The following PCDHA4 variants were observed in gnomAD, a reference collection of about 807,000 sequenced individuals.
The protein encoded by PCDHA4 is protocadherin alpha 4, also known as protocadherin alpha-4.
A neutral mutation model predicts 61.4 loss-of-function variants in PCDHA4; 49 were observed. The observed-to-expected ratio is 0.80, with a 90% CI of 0.63 to 1.01. PCDHA4 has a LOEUF of 1.01. Among genes scored for constraint, PCDHA4 ranks in the 50% least tolerant of loss-of-function variants. PCDHA4 has a pLI of 0.00. For synonymous variants in PCDHA4, 590 were observed against 550.3 expected (o/e 1.07, Z -1.01); for missense variants, 1,254 against 1,235.8 (o/e 1.01, Z -0.22).
chr5:140,829,393 G>T (rs2150166989), intron 1 of PCDHA4: 5 of 1,614,050 alleles, frequency 3.1e-6, no homozygotes, highest in Admixed American at 3.3e-5. Context: ...GCTCGCCTTC[G>T]CTGTGGGCCA....
intron 1 of PCDHA4, among the ~76,000 whole-genome samples, chr5:140,897,060 A>G (rs2153455161): frequency 6.6e-6 from 1 of 152,068 alleles, no homozygotes; most frequent in East Asian, 1.9e-4. Flanking sequence ...GTCAAATACT[A>G]TGTCTTATTC....
chr5:140,915,850 C>A (rs2077335554), intron 1 of PCDHA4, among the ~76,000 whole-genome samples: 1 of 152,140 alleles, frequency 6.6e-6, no homozygotes, highest in South Asian at 2.1e-4. Context: ...GGGGTGACAC[C>A]AGCCAAGTTT....
At chr5:140,927,064 C>T (rs1409465902) in intron 1 of PCDHA4, 2 of 1,611,234 alleles carry the variant, frequency 1.2e-6, no homozygotes, top group Admixed American at 1.7e-5. Flanking sequence ...CTTTCGCTTC[C>T]TTTCCAGCCA....
In PCDHA4 at chr5:140,850,228, G is replaced by A. The variant is rs199589192; in HGVS notation, c.2385+40656G>A. 517 of 1,593,874 alleles carry A rather than the reference G, an allele frequency of 3.2e-4. 25 individuals are homozygous for A. In the South Asian group the frequency reaches 5.4e-3, roughly 17 times the overall value. On this transcript the variant is annotated intron_variant, in intron 1 of 3. Coordinates refer to ENST00000530339, the MANE Select transcript of PCDHA4 (RefSeq NM_018907.4). ...ATGAGGGGCACTGACGGCGCAGTGA[G>A]CGAGATGGTGCTGCGGTCGGTGGGC...
chr5:140,984,982 G>A lies in PCDHA4; in HGVS notation c.2533+2419G>A, dbSNP rs544151858. On this transcript the variant is annotated intron_variant, in intron 3 of 3. Coordinates refer to ENST00000530339, the MANE Select transcript of PCDHA4 (RefSeq NM_018907.4). ...AGACAGAGTCTCGCTCTGTCCCCCA[G>A]GCTGGAGTCCAGTGGCACGATATCG... Among the ~76,000 whole-genome samples the A allele has an allele frequency of 1.1e-3, 174 of 152,116 alleles. 2 individuals are homozygous for A. In the South Asian group the frequency reaches 0.016, roughly 14 times the overall value.
At chr5:140,876,554 A>C (rs2056417075) in intron 1 of PCDHA4, 2 of 1,614,052 alleles carry the variant, frequency 1.2e-6, no homozygotes, top group African/African-American at 2.7e-5. Context: ...CCTGTGCAAG[A>C]GGATGCTCAG....
intron 2 of PCDHA4, 86 bp from the exon 3 acceptor site, chr5:140,982,389 T>C: frequency 1.3e-6 from 2 of 1,593,476 alleles, no homozygotes; most frequent in South Asian, 1.1e-5. Context: ...CCTGGCTTCA[T>C]AGTTGTAAGC....
At chr5:140,865,422 A>G (rs1381017187) in intron 1 of PCDHA4, 2 of 152,214 alleles carry the variant, frequency 1.3e-5, no homozygotes, top group African/African-American at 4.8e-5. Context: ...AGTAGTGTCT[A>G]CCTAGAAAAA....
At position 140,809,130 on chromosome 5, in the gene PCDHA4, T is replaced by C. The variant is rs1562222868; in HGVS notation, c.1943T>C (p.Leu648Pro). ...DETDAPRHRL[L>P]VLVKDHGEPA... ...ACGGACGCTCCGCGCCACCGCCTAC[T>C]GGTACTGGTGAAGGACCACGGCGAG... The change falls in exon 1 of 4, where the codon CTG becomes CCG. Residue 648 changes from leucine (L) to proline (P), a missense_variant. Coordinates refer to ENST00000530339, the MANE Select transcript of PCDHA4 (RefSeq NM_018907.4). 1 of 1,614,014 alleles carries C rather than the reference T, an allele frequency of 6.2e-7. No individual in the cohort carries two copies. The highest frequency in any genetic ancestry group is 8.5e-7 in the Non-Finnish European group (1 of 1,179,930).
intron 3 of PCDHA4, among the ~76,000 whole-genome samples, chr5:140,987,261 T>C (rs1245588314): frequency 6.6e-6 from 1 of 151,964 alleles, no homozygotes; most frequent in African/African-American, 2.4e-5. Context: ...TTCTCAGGAA[T>C]GGGACCCGGC....
At chr5:140,835,825 A>G (rs2150245985) in intron 1 of PCDHA4, 3 of 1,612,220 alleles carry the variant, frequency 1.9e-6, no homozygotes, top group African/African-American at 1.3e-5. Context: ...TCGGCGGGGG[A>G]CGCGGACGCG....
chr5:140,807,119 A>T lies in PCDHA4; in HGVS notation c.-69A>T. The T allele has an allele frequency of 1.3e-6, 2 of 1,531,128 alleles. No individual in the cohort carries two copies. The highest frequency in any genetic ancestry group is 1.8e-6 in the Non-Finnish European group (2 of 1,127,584). 94.8% of individuals were successfully genotyped at this position (1,531,128 alleles called of 1,614,324 possible). The stretch of plus-strand genomic sequence containing the variant: ...TGGAGGATGCAGCTGCACTTGACTG[A>T]CCGATTAAAAGATTTCCCTTGACTT... On this transcript the variant is annotated 5_prime_UTR_variant, in exon 1 of 4. The change abolishes the stop of an existing upstream ORF in the 5' untranslated region. Transcript: ENST00000530339.
At chr5:141,003,331 TTTTG>T (rs1554259005) in intron 3 of PCDHA4, among the ~76,000 whole-genome samples, 2 of 152,142 alleles carry the variant, frequency 1.3e-5, no homozygotes, top group Non-Finnish European at 2.9e-5. Flanking sequence ...GGGCAGGGTT[TTTTG>T]TTTGTTTGCT....
In PCDHA4 at chr5:140,857,385, A is replaced by T. The variant is rs1300471931; in HGVS notation, c.2385+47813A>T. On this transcript the variant is annotated intron_variant, in intron 1 of 3. Coordinates refer to ENST00000530339, the MANE Select transcript of PCDHA4 (RefSeq NM_018907.4). ...GCCAGCGTGTCTGTGGAGGTGGCCG[A>T]CGTGAACGACAACGCGCCTGCGTTC... The T allele has an allele frequency of 1.8e-5, 29 of 1,598,230 alleles. 2 individuals carry two copies. Among genetic ancestry groups the T allele is most frequent in the Non-Finnish European group, 2.3e-5 (27 of 1,167,886 alleles).
intron 1 of PCDHA4, among the ~76,000 whole-genome samples, chr5:140,918,404 T>C (rs2078676215): frequency 6.6e-6 from 1 of 152,196 alleles, no homozygotes; most frequent in Admixed American, 6.5e-5. Context: ...CTGATTTCTC[T>C]GGCCAGGACT....
chr5:140,914,426 A>G (rs1554196349), intron 1 of PCDHA4, among the ~76,000 whole-genome samples: 1 of 152,140 alleles, frequency 6.6e-6, no homozygotes, highest in African/African-American at 2.4e-5. Context: ...TTAGCAAGGA[A>G]TATCTTTTCC....
intron 1 of PCDHA4, chr5:140,883,801 C>T (rs782690228): frequency 4.3e-6 from 7 of 1,612,430 alleles, no homozygotes; most frequent in Non-Finnish European, 5.9e-6. Context: ...TGTCGGTGCA[C>T]GCGGAGAGCG....
chr5:140,983,030 T>C (rs1333101014), intron 3 of PCDHA4, among the ~76,000 whole-genome samples: 1 of 151,922 alleles, frequency 6.6e-6, no homozygotes, highest in African/African-American at 2.4e-5. Context: ...GGAAGATGGT[T>C]TCTCATGGAA....
intron 1 of PCDHA4, chr5:140,867,114 G>A (rs567577345): frequency 6.6e-6 from 1 of 152,050 alleles, no homozygotes; most frequent in Non-Finnish European, 1.5e-5. Flanking sequence ...TTAACATATT[G>A]TTTTAATTCA....
Sources: allele counts gnomAD v4.1 joint callset (sites outside exome capture counted in the v4.1 genomes callset), GRCh38; gene constraint gnomAD v4.1.1; transcripts MANE v1.5; gene names NCBI Gene and HGNC (gene_info 2026-07-23, HGNC 2026-07-21).